Variants in KLHL1 observed in about 807,000 individuals in gnomAD.
KLHL1 encodes kelch-like protein 1.
A neutral mutation model predicts 77.7 loss-of-function variants in KLHL1; 47 were observed. That is an observed-to-expected ratio of 0.60 (90% CI 0.48 to 0.77). KLHL1 has a LOEUF of 0.77. Ranked by LOEUF, KLHL1 falls within the 30% of genes least tolerant of loss-of-function variation. KLHL1 has a pLI of 0.00. For synonymous variants in KLHL1, 360 were observed against 325.2 expected, an observed-to-expected ratio of 1.11 and a Z score of -1.15; for missense variants, 925 against 910.8, an observed-to-expected ratio of 1.02 and a Z score of -0.20.
At chr13:70,000,401 C>T (rs1885257777) in intron 1 of KLHL1, among the ~76,000 whole-genome samples, 2 of 151,664 alleles carry the variant, frequency 1.3e-5, no homozygotes, top group Admixed American at 1.3e-4. Context: ...AAGAAAAATC[C>T]ACAAAGTTTC....
chr13:69,769,394 G>A (rs1289902567), intron 7 of KLHL1, among the ~76,000 whole-genome samples: 3 of 152,004 alleles, frequency 2.0e-5, no homozygotes, highest in Non-Finnish European at 4.4e-5. Context: ...AAAAGGCAAA[G>A]GAAAAATACT....
intron 6 of KLHL1, among the ~76,000 whole-genome samples, chr13:69,804,475 A>G (rs1235522866): frequency 6.6e-6 from 1 of 152,188 alleles, no homozygotes; most frequent in Non-Finnish European, 1.5e-5. Flanking sequence ...AGATGTCACA[A>G]AAAAGCTCCT....
intron 7 of KLHL1, among the ~76,000 whole-genome samples, chr13:69,765,909 A>C (rs2137973280): frequency 6.6e-6 from 1 of 152,282 alleles, no homozygotes; most frequent in East Asian, 1.9e-4. Context: ...CAGGGAAAAA[A>C]TTGTTTCACC....
chr13:70,017,664 G>C (rs780510968), intron 1 of KLHL1, among the ~76,000 whole-genome samples: 1 of 152,210 alleles, frequency 6.6e-6, no homozygotes, highest in Non-Finnish European at 1.5e-5. Context: ...TACTCAGACC[G>C]AAGGTGCATA....
intron 1 of KLHL1, among the ~76,000 whole-genome samples, chr13:70,072,846 C>T (rs1488585419): frequency 6.6e-6 from 1 of 152,056 alleles, no homozygotes; most frequent in African/African-American, 2.4e-5. Context: ...TAGGATCATA[C>T]TAATGGATTA....
intron 1 of KLHL1, among the ~76,000 whole-genome samples, chr13:69,982,258 A>G (rs1445158537): frequency 1.3e-5 from 2 of 151,594 alleles, no homozygotes; most frequent in African/African-American, 4.8e-5. Context: ...ACACGGTGAA[A>G]CCCTGTCTCT....
chr13:70,098,840 T>G (rs1265503707), intron 1 of KLHL1, among the ~76,000 whole-genome samples: 3 of 151,836 alleles, frequency 2.0e-5, no homozygotes, highest in Non-Finnish European at 4.4e-5. Context: ...TTCTTACATT[T>G]TTTTCAAGGC....
intron 7 of KLHL1, among the ~76,000 whole-genome samples, chr13:69,769,425 G>C (rs1875457453): frequency 6.6e-6 from 1 of 152,116 alleles, no homozygotes; most frequent in African/African-American, 2.4e-5. Flanking sequence ...ACAGGAGACA[G>C]ACAAATTCCT....
chr13:69,928,625 C>T (rs1882892797), intron 4 of KLHL1, among the ~76,000 whole-genome samples: 1 of 152,128 alleles, frequency 6.6e-6, no homozygotes, highest in Admixed American at 6.6e-5. Flanking sequence ...CATGGTAAAA[C>T]ATAAATGAGT....
At chr13:69,851,313 C>G (rs1161835216) in intron 5 of KLHL1, among the ~76,000 whole-genome samples, 2 of 151,676 alleles carry the variant, frequency 1.3e-5, no homozygotes, top group African/African-American at 4.8e-5. Context: ...AGTTCTTTTA[C>G]AAAATTATTT....
intron 3 of KLHL1, among the ~76,000 whole-genome samples, chr13:69,960,128 T>C (rs1309660565): frequency 1.3e-5 from 2 of 150,606 alleles, no homozygotes; most frequent in East Asian, 2.0e-4. Context: ...TTTTTTTTTT[T>C]CAGGAAGCTT....
chr13:69,718,018 T>C (rs1017067942), intron 9 of KLHL1, among the ~76,000 whole-genome samples: 9 of 152,120 alleles, frequency 5.9e-5, no homozygotes, highest in Non-Finnish European at 1.0e-4. Flanking sequence ...ACAGCCTGCT[T>C]ACCAAAAACC....
intron 4 of KLHL1, among the ~76,000 whole-genome samples, chr13:69,910,479 G>T (rs879816439): frequency 6.6e-6 from 1 of 151,952 alleles, no homozygotes; most frequent in African/African-American, 2.4e-5. Flanking sequence ...TTCATACCAC[G>T]GCCATCAAAA....
intron 6 of KLHL1, among the ~76,000 whole-genome samples, chr13:69,822,213 A>AAG (rs1555271176): frequency 5.9e-5 from 9 of 151,426 alleles, no homozygotes; most frequent in African/African-American, 2.2e-4. Context: ...AAAAAAAAAA[A>AAG]AGAGAACAGT....
chr13:69,834,307 T>C (rs1033652434), intron 6 of KLHL1, among the ~76,000 whole-genome samples: 2 of 151,812 alleles, frequency 1.3e-5, no homozygotes, highest in African/African-American at 4.8e-5. Flanking sequence ...TATATATATA[T>C]ATGTATGTAT....
Position 70,004,700 on chromosome 13 carries a change from C to CT in KLHL1, c.498-28899dup, listed in dbSNP as rs1372032143. Among the ~76,000 whole-genome samples the CT allele has an allele frequency of 4.0e-5, 6 of 151,786 alleles. No homozygotes were observed. In the East Asian group the frequency reaches 1.2e-3, roughly 29 times the overall value. ...GCAAACCATTTCTGCATTAAAAATA[C>CT]TTTTTTAAAATGTTGTGATTGTTTT... On this transcript the variant is annotated intron_variant, in intron 1 of 10. Coordinates refer to ENST00000377844, the MANE Select transcript of KLHL1 (RefSeq NM_020866.3).
intron 10 of KLHL1, among the ~76,000 whole-genome samples, chr13:69,705,087 T>A (rs1196570814): frequency 1.3e-5 from 2 of 151,766 alleles, no homozygotes; most frequent in Non-Finnish European, 3.0e-5. Context: ...TGATTCCTTA[T>A]GACCTGTAGA....
At chr13:70,001,634 T>C (rs1262808637) in intron 1 of KLHL1, among the ~76,000 whole-genome samples, 1 of 148,102 alleles carries the variant, frequency 6.8e-6, no homozygotes, top group African/African-American at 2.5e-5. Flanking sequence ...ATCTTTCTAC[T>C]GAAACATTGG....
At chr13:69,709,820 G>C (rs1271173579) in intron 9 of KLHL1, among the ~76,000 whole-genome samples, 2 of 151,886 alleles carry the variant, frequency 1.3e-5, no homozygotes, top group Non-Finnish European at 2.9e-5. Context: ...TTGAAGCAGG[G>C]TAATGATTAT....
Sources: allele counts gnomAD v4.1 joint callset (sites outside exome capture counted in the v4.1 genomes callset), GRCh38; gene constraint gnomAD v4.1.1; transcripts MANE v1.5; gene names NCBI Gene and HGNC (gene_info 2026-07-23, HGNC 2026-07-21).